Variants in CHRM3 observed in about 807,000 individuals in gnomAD.
CHRM3 encodes the protein cholinergic receptor muscarinic 3.
In CHRM3, 11 loss-of-function variants were observed where a neutral mutation model predicts 41.8. That is an observed-to-expected ratio of 0.26 (90% CI 0.17 to 0.44). The LOEUF is 0.44. CHRM3 is among the 20% of genes least tolerant of loss of function. The pLI is 1.00. For synonymous variants in CHRM3, 297 were observed against 301.4 expected (o/e 0.99, Z 0.15); for missense variants, 571 against 745.4 (o/e 0.77, Z 2.72).
intron 2 of CHRM3, among the ~76,000 whole-genome samples, chr1:239,540,508 C>T (rs1371289946): frequency 6.6e-6 from 1 of 152,132 alleles, no homozygotes; most frequent in Non-Finnish European, 1.5e-5. Context: ...AATTAGATTT[C>T]AAATGTGGAG....
intron 2 of CHRM3, among the ~76,000 whole-genome samples, chr1:239,530,185 G>GA (rs1372595246): frequency 1.3e-5 from 2 of 152,140 alleles, no homozygotes; most frequent in South Asian, 4.1e-4. Flanking sequence ...TTACAGGCGT[G>GA]AGCCACCGTG....
At chr1:239,837,637 C>T (rs893411906) in intron 6 of CHRM3, among the ~76,000 whole-genome samples, 1 of 152,188 alleles carries the variant, frequency 6.6e-6, no homozygotes, top group Non-Finnish European at 1.5e-5. Flanking sequence ...AACTTGAATT[C>T]CAGCAAAATA....
chr1:239,406,016 C>A (rs1328726425), intron 1 of CHRM3, among the ~76,000 whole-genome samples: 1 of 152,090 alleles, frequency 6.6e-6, no homozygotes, highest in South Asian at 2.1e-4. Context: ...CTCAGCCTCC[C>A]GAGTAGCTGG....
chr1:239,758,425 A>G (rs191497787), intron 5 of CHRM3, among the ~76,000 whole-genome samples: 17 of 152,272 alleles, frequency 1.1e-4, no homozygotes, highest in African/African-American at 3.4e-4. Flanking sequence ...CCCAACAAAC[A>G]AGGTGCTATG....
At chr1:239,666,296 G>C (rs1410864745) in intron 4 of CHRM3, among the ~76,000 whole-genome samples, 1 of 151,724 alleles carries the variant, frequency 6.6e-6, no homozygotes, top group Non-Finnish European at 1.5e-5. Flanking sequence ...CCAGGTTCAA[G>C]CTATTCTCCT....
At chr1:239,402,007 A>G (rs1660019762) in intron 1 of CHRM3, among the ~76,000 whole-genome samples, 1 of 152,090 alleles carries the variant, frequency 6.6e-6, no homozygotes, top group South Asian at 2.1e-4. Flanking sequence ...TTGCAGCGGC[A>G]TTTACGGCAT....
intron 5 of CHRM3, among the ~76,000 whole-genome samples, chr1:239,728,935 G>A (rs1185962775): frequency 6.6e-6 from 1 of 151,962 alleles, no homozygotes; most frequent in Non-Finnish European, 1.5e-5. Flanking sequence ...AGTTCTCTAA[G>A]TGTAGTGTGT....
chr1:239,631,940 A>G (rs1036908284), intron 3 of CHRM3, among the ~76,000 whole-genome samples: 3 of 152,156 alleles, frequency 2.0e-5, no homozygotes, highest in Non-Finnish European at 2.9e-5. Context: ...CTTCCTTGCA[A>G]CTGGAGCTTA....
chr1:239,504,914 A>G (rs1405232661), intron 2 of CHRM3, among the ~76,000 whole-genome samples: 2 of 151,856 alleles, frequency 1.3e-5, no homozygotes, highest in Non-Finnish European at 2.9e-5. Context: ...ACTTGGGGGG[A>G]AGGGTGGGAA....
chr1:239,675,435 G>A (rs1374097636), intron 4 of CHRM3, among the ~76,000 whole-genome samples: 1 of 152,164 alleles, frequency 6.6e-6, no homozygotes, highest in African/African-American at 2.4e-5. Flanking sequence ...GATAACAAGT[G>A]TAGTTTGTCA....
rs1258332340 is a variant in CHRM3 at position 239,846,212 on chromosome 1, A to C, written c.-20+18834A>C. Among the ~76,000 whole-genome samples the C allele has an allele frequency of 2.6e-5, 4 of 152,226 alleles. No homozygotes were observed. In the East Asian group the frequency reaches 7.7e-4, roughly 29 times the overall value. On this transcript the variant is annotated intron_variant, in intron 6 of 6. Transcript: ENST00000676153. ...TCTTTCCGACATAGATGGTAGCATC[A>C]ATGTCATTTTTAAAGTAACTTCCAG...
At chr1:239,820,236 G>A (rs1333882293) in intron 5 of CHRM3, among the ~76,000 whole-genome samples, 1 of 152,174 alleles carries the variant, frequency 6.6e-6, no homozygotes, top group African/African-American at 2.4e-5. Flanking sequence ...TCCCAGTGGT[G>A]CACAGACGCT....
At chr1:239,682,700 G>T (rs1658685406) in intron 5 of CHRM3, among the ~76,000 whole-genome samples, 1 of 151,444 alleles carries the variant, frequency 6.6e-6, no homozygotes. Context: ...GATACAACAT[G>T]GACACTTGGT....
At chr1:239,543,128 A>C (rs954510455) in intron 2 of CHRM3, among the ~76,000 whole-genome samples, 2 of 152,098 alleles carry the variant, frequency 1.3e-5, no homozygotes, top group Non-Finnish European at 2.9e-5. Context: ...GAAGAATGGC[A>C]CCTTTAGGGA....
Position 239,572,284 on chromosome 1 carries a change from C to T in CHRM3, c.-313+26535C>T, listed in dbSNP as rs115671069. ...GAATCCTTGGACCCCGTTGATAAAA[C>T]GGAGATGAGATTCCAATTCAAAAGA... On this transcript the variant is annotated intron_variant, in intron 3 of 6. Coordinates refer to ENST00000676153, the MANE Select transcript of CHRM3 (RefSeq NM_001375978.1). 3.6e-3 allele frequency among the ~76,000 whole-genome samples: 546 copies of T among 152,280 alleles called. 5 individuals carry two copies. The highest frequency in any genetic ancestry group is 0.012 in the African/African-American group (515 of 41,568).
chr1:239,633,771 C>T (rs1016582958), intron 4 of CHRM3, among the ~76,000 whole-genome samples: 1 of 138,614 alleles, frequency 7.2e-6, no homozygotes, highest in African/African-American at 2.6e-5. Context: ...ACTGGGGATA[C>T]TGGAGCAGGA....
intron 3 of CHRM3, among the ~76,000 whole-genome samples, chr1:239,571,235 C>T (rs1272837050): frequency 6.6e-6 from 1 of 152,180 alleles, no homozygotes; most frequent in East Asian, 1.9e-4. Context: ...CTTCCCACTA[C>T]ACCTTCCAAC....
At chr1:239,602,589 G>T (rs779387718) in intron 3 of CHRM3, among the ~76,000 whole-genome samples, 6 of 152,084 alleles carry the variant, frequency 3.9e-5, no homozygotes, top group Non-Finnish European at 7.4e-5. Flanking sequence ...AAGCCTGTTG[G>T]AAGTTGTTCC....
chr1:239,493,506 C>T (rs1036056779), intron 2 of CHRM3, among the ~76,000 whole-genome samples: 1 of 152,082 alleles, frequency 6.6e-6, no homozygotes, highest in Non-Finnish European at 1.5e-5. Flanking sequence ...ATGAGATGAA[C>T]ATTTATTTAT....
Sources: gnomAD v4.1 joint callset for allele counts (sites outside exome capture counted in the v4.1 genomes callset) on GRCh38, gnomAD v4.1.1 for gene constraint, MANE v1.5 for transcripts, NCBI Gene and HGNC (gene_info 2026-07-23, HGNC 2026-07-21) for gene names.